The following ICE2 variants were observed in gnomAD, a reference collection of about 807,000 sequenced individuals.
ICE2 encodes the protein little elongation complex subunit 2.
ICE2 carries 87 observed loss-of-function variants against 105.4 expected under a neutral mutation model. The ratio of observed to expected loss-of-function variants is 0.83; its 90% confidence interval spans 0.69 to 0.99. ICE2 has a LOEUF of 0.99. ICE2 is among the 50% of genes least tolerant of loss of function. ICE2 has a pLI of 0.00. For missense variants in ICE2, 1,323 were observed against 1,146.7 expected (o/e 1.15, Z -2.22); for synonymous variants, 399 against 392.0 (o/e 1.02, Z -0.21).
At chr15:60,423,899 G>A in intron 15 of ICE2, 137 bp from the exon 16 acceptor site, 2 of 736,632 alleles carry the variant, frequency 2.7e-6, no homozygotes, top group Non-Finnish European at 3.9e-6. Flanking sequence ...CAGCTAGCTG[G>A]CTGTTTCTAA....
intron 11 of ICE2, among the ~76,000 whole-genome samples, chr15:60,446,937 A>C (rs1021340217): frequency 2.0e-5 from 3 of 152,204 alleles, no homozygotes; most frequent in Non-Finnish European, 2.9e-5. Context: ...AATTAAAGGA[A>C]ACACACTTTA....
intron 15 of ICE2, among the ~76,000 whole-genome samples, chr15:60,425,711 C>T (rs558467748): frequency 6.6e-6 from 1 of 152,346 alleles, no homozygotes; most frequent in Non-Finnish European, 1.5e-5. Flanking sequence ...CAAATTTTTA[C>T]ACCATGAAAA....
In ICE2 at chr15:60,442,482, T is replaced by C; in HGVS notation, c.2359A>G (p.Thr787Ala). The stretch of plus-strand genomic sequence containing the variant: ...CATAAGCGACAAAGTTCACTTTCAG[T>C]CAGAGCTTCAACTCCATAACAAGCT... ...YQACYGVEALTESELCRLWTE... is the reference protein window; with the variant it reads ...YQACYGVEALAESELCRLWTE... Residue 787 changes from threonine to alanine, a missense_variant, in exon 12 of 16, where the codon ACT (threonine) becomes GCT (alanine). Coordinates refer to ENST00000261520, the MANE Select transcript of ICE2 (RefSeq NM_024611.6). 6.3e-7 allele frequency: 1 copy of C among 1,599,844 alleles called. No homozygotes were observed. The highest frequency in any genetic ancestry group is 8.5e-7 in the Non-Finnish European group (1 of 1,177,170).
intron 13 of ICE2, among the ~76,000 whole-genome samples, chr15:60,435,794 AG>A (rs1412843988): frequency 6.6e-6 from 1 of 152,050 alleles, no homozygotes; most frequent in African/African-American, 2.4e-5. Flanking sequence ...CAGGCAACAT[AG>A]TGAAACCCCG....
intron 8 of ICE2, chr15:60,454,797 C>T: frequency 2.3e-6 from 1 of 433,516 alleles, no homozygotes; most frequent in African/African-American, 2.1e-5. Flanking sequence ...ATCAACCTGT[C>T]ATCTAGGTTT....
intron 14 of ICE2, among the ~76,000 whole-genome samples, chr15:60,431,184 T>C (rs2063451911): frequency 6.9e-6 from 1 of 144,626 alleles, no homozygotes; most frequent in African/African-American, 2.5e-5. Flanking sequence ...TATGTTCTTC[T>C]TTTTTTTTTT....
chr15:60,436,285 A>T, intron 12 of ICE2, 58 bp from the exon 13 acceptor site: 1 of 637,718 alleles, frequency 1.6e-6, no homozygotes, highest in Non-Finnish European at 2.5e-6. Context: ...AGAAAAAAAA[A>T]AAACCAAGTT....
intron 9 of ICE2, chr15:60,451,225 TAA>T (rs1707807491): frequency 6.7e-6 from 4 of 598,630 alleles, no homozygotes; most frequent in African/African-American, 2.0e-5. Flanking sequence ...GTATGAATAA[TAA>T]TAAACGATGA....
Position 60,428,621 on chromosome 15 carries a change from G to A in ICE2, c.2628C>T (p.Ala876=), listed in dbSNP as rs1027631793. The A allele has an allele frequency of 1.9e-6, 3 of 1,613,890 alleles. No homozygotes were observed. The highest frequency in any genetic ancestry group is 1.7e-6 in the Non-Finnish European group (2 of 1,179,990). The change falls in exon 15 of 16, where the codon GCC becomes GCT. Residue 876 remains alanine (A), a synonymous_variant. Coordinates refer to ENST00000261520, the MANE Select transcript of ICE2 (RefSeq NM_024611.6). ...AEDSSLLIYK[A]SDGKVTRTAY... ...CTGTCCTAGTAACTTTTCCATCAGA[G>A]GCCTTATAAATCAGGAGTGAAGAAT...
Position 60,449,160 on chromosome 15 carries a change from G to T in ICE2, c.1807C>A (p.Pro603Thr). The change falls in exon 10 of 16, where the codon CCA becomes ACA. Residue 603 changes from proline to threonine, a missense_variant. Physicochemically the swap from Pro to Thr is conservative, Grantham distance 38. Transcript: ENST00000261520. ...CCTGAGGAAGAATTTGGACTAGCTG[G>T]TCTGGAACTTAAGTTAGAACCCACA... ...AVVGSNLSSR[P>T]ASPNSSSGQA... is the part of the protein sequence containing the mutation. The T allele has an allele frequency of 6.2e-7, 1 of 1,613,874 alleles. No homozygotes were observed. The highest frequency in any genetic ancestry group is 2.2e-5 in the East Asian group (1 of 44,860).
chr15:60,449,477 T>G lies in ICE2; in HGVS notation c.1490A>C (p.Asn497Thr). 2 of 1,614,192 alleles carry G rather than the reference T, an allele frequency of 1.2e-6. No homozygotes were observed. The highest frequency in any genetic ancestry group is 1.7e-6 in the Non-Finnish European group (2 of 1,180,028). ...QGFESCEKVS[N>T]SDKPLIQDSD... Reference sequence around the variant, plus strand: ...ATCTTGTATCAAAGGCTTGTCAGAATTTGATACCTTTTCACATGATTCAAA... The same window carrying G: ...ATCTTGTATCAAAGGCTTGTCAGAAGTTGATACCTTTTCACATGATTCAAA... The change falls in exon 10 of 16, where the codon AAT becomes ACT. Residue 497 changes from asparagine to threonine, a missense_variant. Physicochemically the swap from Asn to Thr is moderately conservative, Grantham distance 65. Transcript: ENST00000261520.
chr15:60,450,679 C>T (rs910013555), intron 9 of ICE2, among the ~76,000 whole-genome samples: 4 of 152,154 alleles, frequency 2.6e-5, no homozygotes, highest in South Asian at 2.1e-4. Flanking sequence ...AAGATCAACT[C>T]GTGTAAGTTA....
chr15:60,448,285 A>G (rs2063870227), intron 10 of ICE2, 140 bp from the exon 11 acceptor site: 2 of 572,048 alleles, frequency 3.5e-6, no homozygotes, highest in Non-Finnish European at 6.0e-6. Flanking sequence ...CCCTCACACT[A>G]TTACCATTTC....
intron 15 of ICE2, 97 bp from the exon 16 acceptor site, chr15:60,423,859 G>A (rs1336251540): frequency 1.9e-6 from 2 of 1,079,976 alleles, no homozygotes; most frequent in African/African-American, 3.3e-5. Flanking sequence ...TAACCACCTT[G>A]CAAATAAGCT....
rs1183874143 is a variant in ICE2 at position 60,479,052 on chromosome 15, C to A, written c.-142G>T. ...CCAGGCCGCAGCCACACACCACACA[C>A]GCTCCACCCCACTCCTCACATTGTC... On this transcript the variant is annotated 5_prime_UTR_variant, in exon 1 of 16. Transcript: ENST00000261520. 5 of 455,558 alleles carry A rather than the reference C, an allele frequency of 1.1e-5. No homozygotes were observed. Among genetic ancestry groups the A allele is most frequent in the Non-Finnish European group, 2.2e-5 (5 of 226,444 alleles). The allele number at this position is 455,558 out of a possible 1,614,324, so 28.2% of individuals were successfully genotyped here.
chr15:60,455,023 ATACACACTGGAAT>A lies in ICE2; in HGVS notation c.910_922del (p.Ile304PhefsTer3), dbSNP rs779289080. The A allele has an allele frequency of 6.4e-7, 1 of 1,566,532 alleles. No homozygotes were observed. Among genetic ancestry groups the A allele is most frequent in the Non-Finnish European group, 8.6e-7 (1 of 1,165,006 alleles). On this transcript the variant is annotated frameshift_variant, in exon 8 of 16. Coordinates refer to ENST00000261520, the MANE Select transcript of ICE2 (RefSeq NM_024611.6). LOFTEE classifies it high-confidence loss of function. ...CAAACCTGCAACAGGTATTACTTGAATACACACTGGAATTTCCCACTGTTCCTTGTACGTTGGT... is the reference window on the plus strand; with the variant it reads ...CAAACCTGCAACAGGTATTACTTGAATTCCCACTGTTCCTTGTACGTTGGT...
intron 15 of ICE2, among the ~76,000 whole-genome samples, chr15:60,427,763 C>T (rs992892861): frequency 1.3e-5 from 2 of 152,176 alleles, no homozygotes; most frequent in Admixed American, 6.5e-5. Flanking sequence ...GAATTTCCTA[C>T]ACAATATACA....
intron 13 of ICE2, among the ~76,000 whole-genome samples, chr15:60,435,460 G>A (rs950669802): frequency 2.0e-5 from 3 of 151,776 alleles, no homozygotes; most frequent in Non-Finnish European, 4.4e-5. Flanking sequence ...TTAGCCAGGC[G>A]TGGTGGCGCA....
chr15:60,460,898 T>C (rs552139598), intron 5 of ICE2, among the ~76,000 whole-genome samples: 5 of 152,212 alleles, frequency 3.3e-5, no homozygotes, highest in Non-Finnish European at 7.3e-5. Flanking sequence ...ATGTATAAGT[T>C]AAAACTGTAA....
Sources: allele counts gnomAD v4.1 joint callset (sites outside exome capture counted in the v4.1 genomes callset), GRCh38; gene constraint gnomAD v4.1.1; transcripts MANE v1.5; gene names NCBI Gene and HGNC (gene_info 2026-07-23, HGNC 2026-07-21).